Variants in NCF2 observed in about 807,000 individuals in gnomAD.
NCF2 encodes neutrophil cytosol factor 2.
A neutral mutation model predicts 70.9 loss-of-function variants in NCF2; 45 were observed. The observed-to-expected ratio is 0.63, with a 90% CI of 0.50 to 0.81. The LOEUF is 0.81. NCF2 is among the 40% of genes least tolerant of loss of function. NCF2 has a pLI of 0.00. For synonymous variants in NCF2, 203 were observed against 233.6 expected, an observed-to-expected ratio of 0.87 and a Z score of 1.19; for missense variants, 522 against 631.6, an observed-to-expected ratio of 0.83 and a Z score of 1.86.
rs34501573 is a variant in NCF2 at position 183,590,458 on chromosome 1, A to G, written c.-129T>C. The G allele has an allele frequency of 2.9e-3, 2,861 of 971,954 alleles. 48 individuals carry two copies. In the African/African-American group the frequency reaches 0.04, roughly 14 times the overall value. 60.2% of individuals were successfully genotyped at this position (971,954 alleles called of 1,614,324 possible). A position where few individuals can be genotyped will look rare whatever the true frequency, so the allele number is the denominator to read the frequency against. On this transcript the variant is annotated 5_prime_UTR_variant, in exon 1 of 15. Transcript: ENST00000367535. ...TCACTTTCTGGGCCAGATGAGTAGA[A>G]TGGGGCCCAGCCTCCCTTAAGATAA...
chr1:183,564,563 C>T (rs1457154214), intron 10 of NCF2, among the ~76,000 whole-genome samples: 3 of 152,190 alleles, frequency 2.0e-5, no homozygotes, highest in African/African-American at 4.8e-5. Flanking sequence ...GAGAAGGCCA[C>T]TGATCTCAAA....
intron 11 of NCF2, 145 bp downstream of exon 11, chr1:183,563,860 C>G: frequency 2.1e-6 from 2 of 970,566 alleles, no homozygotes; most frequent in Non-Finnish European, 1.7e-6. Context: ...TAAGAAGGTC[C>G]CTAGCTCATG....
At chr1:183,588,052 A>C (rs1409416564) in intron 1 of NCF2, among the ~76,000 whole-genome samples, 33 of 152,160 alleles carry the variant, frequency 2.2e-4, no homozygotes, top group Admixed American at 2.2e-3. Flanking sequence ...TCTGTCTTTC[A>C]TTCATATGAA....
At chr1:183,590,081 T>TA in intron 1 of NCF2, 75 bp downstream of exon 1, 1 of 1,601,682 alleles carries the variant, frequency 6.2e-7, no homozygotes, top group Non-Finnish European at 8.6e-7. Flanking sequence ...AGGTTAGGTT[T>TA]CCGAAATGCA....
upstream of NCF2, among the ~76,000 whole-genome samples, chr1:183,594,352 T>C (rs996564680): frequency 2.0e-5 from 3 of 152,182 alleles, no homozygotes; most frequent in Non-Finnish European, 2.9e-5. Context: ...AAGGCTGCAG[T>C]GAGTGATGAT....
chr1:183,562,130 A>G (rs943027456), intron 13 of NCF2, among the ~76,000 whole-genome samples: 5 of 151,716 alleles, frequency 3.3e-5, no homozygotes, highest in Admixed American at 3.3e-4. Flanking sequence ...TTCAACAGTG[A>G]CTCCTGAGCC....
chr1:183,589,722 T>C (rs1673551298), intron 1 of NCF2, among the ~76,000 whole-genome samples: 2 of 152,120 alleles, frequency 1.3e-5, no homozygotes, highest in South Asian at 4.1e-4. Flanking sequence ...CTCCCTTAAA[T>C]CTCTTGAGCA....
chr1:183,563,639 C>T, intron 11 of NCF2, 54 bp from the exon 12 acceptor site: 1 of 1,607,416 alleles, frequency 6.2e-7, no homozygotes, highest in Non-Finnish European at 8.5e-7. Context: ...TTTCTCTCAA[C>T]ATCCTGGATC....
chr1:183,563,735 G>A (rs1672182832), intron 11 of NCF2, 150 bp from the exon 12 acceptor site: 2 of 962,138 alleles, frequency 2.1e-6, no homozygotes, highest in East Asian at 4.9e-5. Flanking sequence ...TAGCCTAAAA[G>A]GCCTTCAGAG....
In NCF2 at chr1:183,555,804, G is replaced by T; in HGVS notation, c.*314C>A. 2.4e-6 allele frequency: 1 copy of T among 410,940 alleles called. No individual in the cohort carries two copies. The highest frequency in any genetic ancestry group is 4.7e-5 in the East Asian group (1 of 21,242). The allele number at this position is 410,940 out of a possible 1,614,324, so 25.5% of individuals were successfully genotyped here. A position where few individuals can be genotyped will look rare whatever the true frequency, so the allele number is the denominator to read the frequency against. On this transcript the variant is annotated 3_prime_UTR_variant, in exon 15 of 15. Transcript: ENST00000367535. Reference sequence around the variant, plus strand: ...AATGTTTACAGTGTGAACACAGCTGGCTAGCTAGCACTCAGAGCAAGAAAC... The same window carrying T: ...AATGTTTACAGTGTGAACACAGCTGTCTAGCTAGCACTCAGAGCAAGAAAC...
the NCF2 span, among the ~76,000 whole-genome samples, chr1:183,599,331 T>A: frequency 9.8e-4 from 149 of 152,324 alleles, no homozygotes; most frequent in Non-Finnish European, 1.9e-3. Flanking sequence ...CAGTGAACTA[T>A]GATTGCACCT....
chr1:183,593,563 A>AACCTC, upstream of NCF2, among the ~76,000 whole-genome samples: 1 of 152,272 alleles, frequency 6.6e-6, no homozygotes, highest in South Asian at 2.1e-4. Context: ...TCCTCCGCCC[A>AACCTC]TGTAACACTC....
chr1:183,582,912 T>G (rs1340732445), intron 2 of NCF2, among the ~76,000 whole-genome samples: 26 of 152,180 alleles, frequency 1.7e-4, no homozygotes, highest in Admixed American at 1.7e-3. Context: ...TGCTCTAACT[T>G]TGTTCTGTTG....
intron 1 of NCF2, among the ~76,000 whole-genome samples, chr1:183,588,914 C>T (rs1021906142): frequency 2.0e-5 from 3 of 152,162 alleles, no homozygotes; most frequent in Non-Finnish European, 4.4e-5. Context: ...CATAGCTGTG[C>T]CCAGACTAGC....
chr1:183,578,279 G>A (rs1047131031), intron 2 of NCF2, among the ~76,000 whole-genome samples: 11 of 150,526 alleles, frequency 7.3e-5, no homozygotes, highest in Non-Finnish European at 1.3e-4. Context: ...TTTCCTCACC[G>A]CCCGCCACTT....
At chr1:183,591,687 T>C (rs1435325652), upstream of NCF2, among the ~76,000 whole-genome samples, 2 of 152,180 alleles carry the variant, frequency 1.3e-5, no homozygotes, top group Non-Finnish European at 1.5e-5. Flanking sequence ...TTCACCATGT[T>C]GGCCAGGCTG....
intron 5 of NCF2, 30 bp downstream of exon 5, chr1:183,573,155 A>T: frequency 3.8e-6 from 6 of 1,599,428 alleles, no homozygotes; most frequent in Non-Finnish European, 5.1e-6. Context: ...GCCACAGGAG[A>T]CTCAGGGGAA....
intron 2 of NCF2, among the ~76,000 whole-genome samples, chr1:183,581,110 A>T (rs1156848402): frequency 1.3e-5 from 2 of 151,536 alleles, no homozygotes; most frequent in Admixed American, 1.3e-4. Context: ...GAGAAACCCC[A>T]CCTCTACTAA....
intron 3 of NCF2, among the ~76,000 whole-genome samples, chr1:183,576,586 A>G (rs915062236): frequency 5.9e-5 from 9 of 152,172 alleles, no homozygotes; most frequent in Non-Finnish European, 1.3e-4. Flanking sequence ...GGTCCAACAT[A>G]TTAACAGAGC....
Sources: allele counts gnomAD v4.1 joint callset (sites outside exome capture counted in the v4.1 genomes callset), GRCh38; gene constraint gnomAD v4.1.1; transcripts MANE v1.5; gene names NCBI Gene and HGNC (gene_info 2026-07-23, HGNC 2026-07-21).